Variants in SFT2D2 observed in about 807,000 individuals in gnomAD.
SFT2D2 encodes the protein SFT2 domain containing 2.
SFT2D2 carries 21 observed loss-of-function variants against 27.4 expected under a neutral mutation model. The observed-to-expected ratio is 0.77, with a 90% confidence interval of 0.54 to 1.10. The LOEUF (loss-of-function observed/expected upper bound fraction) is 1.10, where lower values mean the gene tolerates loss of function less well. Among genes scored for constraint, SFT2D2 ranks in the 50% least tolerant of loss-of-function variants. SFT2D2 has a pLI of 0.00. For synonymous variants in SFT2D2, 72 were observed against 71.7 expected, an observed-to-expected ratio of 1.00 and a Z score of -0.02; for missense variants, 187 against 194.2, an observed-to-expected ratio of 0.96 and a Z score of 0.22.
chr1:168,230,649 A>AT (rs1298163914), intron 1 of SFT2D2, among the ~76,000 whole-genome samples: 3 of 151,922 alleles, frequency 2.0e-5, no homozygotes, highest in Admixed American at 6.6e-5. Flanking sequence ...AATTTTTTGT[A>AT]TTTTTAGTAG....
Position 168,245,994 on chromosome 1 carries a change from G to T in SFT2D2, c.*3454G>T, listed in dbSNP as rs956911101. On this transcript the variant is annotated 3_prime_UTR_variant, in exon 8 of 8. Transcript: ENST00000271375. ...TCTCATCTGACCTAATTTCTTCCTT[G>T]AATCCTACATCTCACTTTCTCAATG... 5.9e-5 allele frequency: 11 copies of T among 187,782 alleles called. No individual in the cohort carries two copies. Among genetic ancestry groups the T allele is most frequent in the African/African-American group, 2.4e-4 (10 of 41,604 alleles). 11.6% of individuals were successfully genotyped at this position (187,782 alleles called of 1,614,324 possible). A position where few individuals can be genotyped will look rare whatever the true frequency, so the allele number is the denominator to read the frequency against.
intron 1 of SFT2D2, among the ~76,000 whole-genome samples, chr1:168,231,028 T>C (rs1307407823): frequency 6.6e-6 from 1 of 151,996 alleles, no homozygotes; most frequent in Non-Finnish European, 1.5e-5. Flanking sequence ...TGGGTGAGAG[T>C]TGATGTAGGA....
intron 7 of SFT2D2, among the ~76,000 whole-genome samples, chr1:168,240,129 G>A (rs1307055623): frequency 6.7e-6 from 1 of 148,812 alleles, no homozygotes; most frequent in Non-Finnish European, 1.5e-5. Context: ...GAGTCGAGAT[G>A]GCGCCACTGC....
chr1:168,231,755 A>C, intron 2 of SFT2D2, 79 bp from the exon 3 acceptor site: 2 of 1,506,286 alleles, frequency 1.3e-6, no homozygotes, highest in Non-Finnish European at 9.2e-7. Flanking sequence ...CGGACTCCTC[A>C]GGGCTTCCTC....
chr1:168,233,132 T>C (rs1647375406), intron 3 of SFT2D2, among the ~76,000 whole-genome samples: 1 of 152,192 alleles, frequency 6.6e-6, no homozygotes, highest in Admixed American at 6.5e-5. Flanking sequence ...CCATTCCCTA[T>C]CCAGTGTGCT....
chr1:168,231,422 A>T, intron 1 of SFT2D2, 92 bp from the exon 2 acceptor site: 1 of 1,079,990 alleles, frequency 9.3e-7, no homozygotes, highest in Non-Finnish European at 1.4e-6. Flanking sequence ...TGCCTTCCCT[A>T]ATACAACTTA....
In SFT2D2 at chr1:168,239,913, C is replaced by T. The variant is rs551866326; in HGVS notation, c.443+753C>T. 1.1e-3 allele frequency among the ~76,000 whole-genome samples: 160 copies of T among 151,572 alleles called. 1 individual carries two copies. The highest frequency in any genetic ancestry group is 3.4e-3 in the Middle Eastern group (1 of 290). On this transcript the variant is annotated intron_variant, in intron 7 of 7. Transcript: ENST00000271375. ...GTACTGGGCCAGGTGCAGTGGCTCACGCCTGTAATCCCAGCACTTTGGGAG... is the reference window on the plus strand; with the variant it reads ...GTACTGGGCCAGGTGCAGTGGCTCATGCCTGTAATCCCAGCACTTTGGGAG...
rs1206894875 is a variant in SFT2D2 at position 168,244,018 on chromosome 1, G to C, written c.*1478G>C. ...GTCATCCTACAAATGACGTTTATCT[G>C]GATTGCCTTTCTGTTCTTTGCACAG... On this transcript the variant is annotated 3_prime_UTR_variant, in exon 8 of 8. Transcript: ENST00000271375. 1 of 152,202 alleles carries C rather than the reference G, an allele frequency of 6.6e-6. No homozygotes were observed. The highest frequency in any genetic ancestry group is 1.5e-5 in the Non-Finnish European group (1 of 68,104). 9.4% of individuals were successfully genotyped at this position (152,202 alleles called of 1,614,324 possible). A position where few individuals can be genotyped will look rare whatever the true frequency, so the allele number is the denominator to read the frequency against.
In SFT2D2 at chr1:168,249,977, C is replaced by T. The variant is rs1647913465; in HGVS notation, c.*7437C>T. ...CTGTAGACACTGCCATGTTTTATCT[C>T]ATTCAATATTCACAGTGACTGCCCA... On this transcript the variant is annotated 3_prime_UTR_variant, in exon 8 of 8. Coordinates refer to ENST00000271375, the MANE Select transcript of SFT2D2 (RefSeq NM_199344.3). 1 of 152,216 alleles carries T rather than the reference C, an allele frequency of 6.6e-6. No homozygotes were observed. The highest frequency in any genetic ancestry group is 1.5e-5 in the Non-Finnish European group (1 of 68,068). The allele number at this position is 152,216 out of a possible 1,614,324, so 9.4% of individuals were successfully genotyped here.
At position 168,242,505 on chromosome 1, in the gene SFT2D2, G is replaced by A. The variant is rs775284491; in HGVS notation, c.448G>A (p.Ala150Thr). 1.2e-5 allele frequency: 19 copies of A among 1,614,076 alleles called. No homozygotes were observed. Among genetic ancestry groups the A allele is most frequent in the African/African-American group, 2.7e-5 (2 of 74,936 alleles). The change falls in exon 8 of 8, where the codon GCT becomes ACT. Residue 150 changes from alanine (A) to threonine (T), a missense_variant. By Grantham distance (58) the Ala-to-Thr change is moderately conservative. Transcript: ENST00000271375. ...TTTGTGTCTTTTCTTTCCTAGGGAT[G>A]CTGTGAAGAAGTGTTTTGCCGTGTG... ...SLSFIPFARDAVKKCFAVCLA is the reference protein window; with the variant it reads ...SLSFIPFARDTVKKCFAVCLA
At chr1:168,237,865 T>TG in intron 6 of SFT2D2, among the ~76,000 whole-genome samples, 1 of 98,974 alleles carries the variant, frequency 1.0e-5, no homozygotes, top group Admixed American at 9.7e-5. Flanking sequence ...GTGTATGTTT[T>TG]TTTTTTTTTT....
At chr1:168,230,390 C>T (rs543803889) in intron 1 of SFT2D2, among the ~76,000 whole-genome samples, 16 of 152,280 alleles carry the variant, frequency 1.1e-4, no homozygotes, top group African/African-American at 2.6e-4. Context: ...TGGTCTCTTA[C>T]GGCAGCTGTC....
In SFT2D2 at chr1:168,236,585, T is replaced by G; in HGVS notation, c.319-4T>G. ...ATTAATTAATGTTTCCTTTCTTCCT[T>G]TAGTTGTGTTTTGCACTTACCCTGT... On this transcript the variant is annotated splice_polypyrimidine_tract_variant and splice_region_variant and intron_variant, in intron 4 of 7. Coordinates refer to ENST00000271375, the MANE Select transcript of SFT2D2 (RefSeq NM_199344.3). 1 of 1,611,760 alleles carries G rather than the reference T, an allele frequency of 6.2e-7. No homozygotes were observed. Among genetic ancestry groups the G allele is most frequent in the Middle Eastern group, 1.9e-4 (1 of 5,306 alleles).
chr1:168,252,454 G>A lies in SFT2D2; in HGVS notation c.*9914G>A, dbSNP rs548263172. 6.6e-6 allele frequency: 1 copy of A among 152,326 alleles called. No individual in the cohort carries two copies. The highest frequency in any genetic ancestry group is 1.9e-4 in the East Asian group (1 of 5,180). 9.4% of individuals were successfully genotyped at this position (152,326 alleles called of 1,614,324 possible). ...CATGCTACAAGAAGTTATGAGCCTT[G>A]TTCTAAGTACAGATGAACCTTGTAT... is the stretch of plus-strand genomic sequence containing the variant. On this transcript the variant is annotated 3_prime_UTR_variant, in exon 8 of 8. Coordinates refer to ENST00000271375, the MANE Select transcript of SFT2D2 (RefSeq NM_199344.3).
chr1:168,250,165 A>G lies in SFT2D2; in HGVS notation c.*7625A>G, dbSNP rs942093695. 1.3e-5 allele frequency: 2 copies of G among 152,180 alleles called. No individual in the cohort carries two copies. Among genetic ancestry groups the G allele is most frequent in the Non-Finnish European group, 2.9e-5 (2 of 68,042 alleles). The allele number at this position is 152,180 out of a possible 1,614,324, so 9.4% of individuals were successfully genotyped here. ...TGGCCAGTTTGCTCAGACAGCTCCC[A>G]TCAGGACACCATTGGCAGCTTTTGC... On this transcript the variant is annotated 3_prime_UTR_variant, in exon 8 of 8. Coordinates refer to ENST00000271375, the MANE Select transcript of SFT2D2 (RefSeq NM_199344.3).
chr1:168,229,396 C>A (rs1700490902), intron 1 of SFT2D2, among the ~76,000 whole-genome samples: 1 of 152,240 alleles, frequency 6.6e-6, no homozygotes, highest in Non-Finnish European at 1.5e-5. Context: ...AAATTTCATT[C>A]TTAACCTTAT....
rs1229693286 is a variant in SFT2D2 at position 168,249,009 on chromosome 1, A to G, written c.*6469A>G. The G allele has an allele frequency of 1.3e-5, 2 of 151,636 alleles. No homozygotes were observed. The highest frequency in any genetic ancestry group is 1.5e-5 in the Non-Finnish European group (1 of 67,894). 9.4% of individuals were successfully genotyped at this position (151,636 alleles called of 1,614,324 possible). ...TCTTTATTAGTCTGGCTAGCAGTCT[A>G]TCTATTTTGTTGATCTTTTCAAAAA... On this transcript the variant is annotated 3_prime_UTR_variant, in exon 8 of 8. Transcript: ENST00000271375.
chr1:168,232,699 C>T (rs1211710148), intron 3 of SFT2D2, among the ~76,000 whole-genome samples: 1 of 152,192 alleles, frequency 6.6e-6, no homozygotes, highest in East Asian at 1.9e-4. Flanking sequence ...GACTTGCATG[C>T]TCAATGGGTA....
chr1:168,227,801 C>T (rs935291173), intron 1 of SFT2D2, among the ~76,000 whole-genome samples: 5 of 152,122 alleles, frequency 3.3e-5, no homozygotes, highest in African/African-American at 7.2e-5. Context: ...CACTTTCTCT[C>T]CCTGCAGACT....
Sources: allele counts gnomAD v4.1 joint callset (sites outside exome capture counted in the v4.1 genomes callset), GRCh38; gene constraint gnomAD v4.1.1; transcripts MANE v1.5; gene names NCBI Gene and HGNC (gene_info 2026-07-23, HGNC 2026-07-21).